Variants in FGF1 observed in about 807,000 individuals in gnomAD.
The protein encoded by FGF1 is beta-endothelial cell growth factor.
A neutral mutation model predicts 13.4 loss-of-function variants in FGF1; 9 were observed. The ratio of observed to expected loss-of-function variants is 0.67; its 90% CI spans 0.40 to 1.17. The LOEUF (loss-of-function observed/expected upper bound fraction) is 1.17, where lower values mean the gene tolerates loss of function less well. Ranked by LOEUF, FGF1 falls within the 50% of genes most tolerant of loss-of-function variation. The pLI, the probability that FGF1 is intolerant of heterozygous loss-of-function variation, is 0.01. For synonymous variants in FGF1, 93 were observed against 79.0 expected (o/e 1.18, Z -0.94); for missense variants, 156 against 192.7 (o/e 0.81, Z 1.13).
At chr5:142,696,993 G>T (rs1376800476) in intron 2 of FGF1, among the ~76,000 whole-genome samples, 1 of 152,182 alleles carries the variant, frequency 6.6e-6, no homozygotes, top group Non-Finnish European at 1.5e-5. Context: ...GGAGACCGAG[G>T]CTGCAAAATC....
In FGF1 at chr5:142,659,121, C is replaced by T. The variant is rs544954878; in HGVS notation, c.-35+26836G>A. On this transcript the variant is annotated intron_variant, in intron 1 of 3. Coordinates refer to ENST00000337706, the MANE Select transcript of FGF1 (RefSeq NM_000800.5). ...TTCTTTATCACTTTGGTTCCATGGT[C>T]GCCATCCTTGTTATAGTGAAACAGG... Among the ~76,000 whole-genome samples the T allele has an allele frequency of 3.3e-5, 5 of 151,304 alleles. No homozygotes were observed. The East Asian group carries it at 5.8e-4, about 18-fold the overall frequency.
At chr5:142,679,332 A>G (rs1358339278) in intron 1 of FGF1, among the ~76,000 whole-genome samples, 1 of 152,092 alleles carries the variant, frequency 6.6e-6, no homozygotes, top group Non-Finnish European at 1.5e-5. Flanking sequence ...CACCAGTTGA[A>G]ATCTGCTGAT....
Position 142,595,208 on chromosome 5 carries a change from G to C in FGF1, c.*82C>G. 1 of 1,203,862 alleles carries C rather than the reference G, an allele frequency of 8.3e-7. No individual in the cohort carries two copies. Among genetic ancestry groups the C allele is most frequent in the Non-Finnish European group, 1.2e-6 (1 of 845,186 alleles). The allele number at this position is 1,203,862 out of a possible 1,614,324, so 74.6% of individuals were successfully genotyped here. A position where few individuals can be genotyped will look rare whatever the true frequency, so the allele number is the denominator to read the frequency against. ...TGGGCTGGGGGTTAGCGCAGCCAAT[G>C]GTCAAGGGAACATTTTTGGGTCAAC... On this transcript the variant is annotated 3_prime_UTR_variant, in exon 4 of 4. Coordinates refer to ENST00000337706, the MANE Select transcript of FGF1 (RefSeq NM_000800.5).
chr5:142,644,879 A>T (rs985977284), intron 1 of FGF1, among the ~76,000 whole-genome samples: 1 of 152,178 alleles, frequency 6.6e-6, no homozygotes, highest in East Asian at 1.9e-4. Context: ...ACATGAGAGG[A>T]CCAGAAACAA....
chr5:142,661,821 A>G (rs547064323), intron 1 of FGF1, among the ~76,000 whole-genome samples: 82 of 152,122 alleles, frequency 5.4e-4, no homozygotes, highest in Admixed American at 1.1e-3. Flanking sequence ...GGCTAACACG[A>G]TGAAACCCCG....
intron 1 of FGF1, among the ~76,000 whole-genome samples, chr5:142,616,031 A>G (rs1326276536): frequency 6.6e-6 from 1 of 152,202 alleles, no homozygotes; most frequent in Non-Finnish European, 1.5e-5. Flanking sequence ...CTCCAGGAGA[A>G]GCCCACCCCA....
chr5:142,639,251 C>T (rs1764771342), intron 1 of FGF1, among the ~76,000 whole-genome samples: 1 of 151,904 alleles, frequency 6.6e-6, no homozygotes, highest in Non-Finnish European at 1.5e-5. Flanking sequence ...TCACAATAGC[C>T]AAGATATGGA....
At chr5:142,653,851 T>C (rs1390039544) in intron 1 of FGF1, among the ~76,000 whole-genome samples, 2 of 152,170 alleles carry the variant, frequency 1.3e-5, no homozygotes, top group East Asian at 3.8e-4. Flanking sequence ...CTCAGCACTT[T>C]GGGAGGCTGA....
chr5:142,642,135 T>C (rs1765299874), intron 1 of FGF1, among the ~76,000 whole-genome samples: 1 of 152,264 alleles, frequency 6.6e-6, no homozygotes, highest in South Asian at 2.1e-4. Context: ...AGGAGCACAA[T>C]AGGGCATCCA....
At chr5:142,672,989 T>C (rs1430161785) in intron 1 of FGF1, among the ~76,000 whole-genome samples, 1 of 152,212 alleles carries the variant, frequency 6.6e-6, no homozygotes, top group East Asian at 1.9e-4. Context: ...ACCTCATCAG[T>C]GATTAAGTGA....
intron 1 of FGF1, among the ~76,000 whole-genome samples, chr5:142,655,265 A>G (rs1767949531): frequency 6.6e-6 from 1 of 152,194 alleles, no homozygotes; most frequent in Admixed American, 6.5e-5. Context: ...AGCATTTTGC[A>G]ATATTAACAC....
intron 2 of FGF1, among the ~76,000 whole-genome samples, chr5:142,603,404 C>T (rs1757003249): frequency 6.6e-6 from 1 of 152,106 alleles, no homozygotes; most frequent in Non-Finnish European, 1.5e-5. Flanking sequence ...TACCACCCTC[C>T]CCCACATCCT....
In FGF1 at chr5:142,619,702, G is replaced by A. The variant is rs572778887; in HGVS notation, c.-34-5541C>T. Reference sequence around the variant, plus strand: ...TACAAAATTAGCCGGGCATGGTGGCGCATGCCTGTAATCCCAGCTACTCAG... The same window carrying A: ...TACAAAATTAGCCGGGCATGGTGGCACATGCCTGTAATCCCAGCTACTCAG... On this transcript the variant is annotated intron_variant, in intron 1 of 3. Transcript: ENST00000337706. Among the ~76,000 whole-genome samples, 36 of 152,104 alleles carry A rather than the reference G, an allele frequency of 2.4e-4. 1 individual carries two copies. Among genetic ancestry groups the A allele is most frequent in the East Asian group, 9.7e-4 (5 of 5,154 alleles).
intron 1 of FGF1, among the ~76,000 whole-genome samples, chr5:142,651,937 G>T (rs1365434034): frequency 6.6e-6 from 1 of 151,636 alleles, no homozygotes; most frequent in Non-Finnish European, 1.5e-5. Context: ...GGCCTAATCT[G>T]AGAGAATTTG....
intron 1 of FGF1, among the ~76,000 whole-genome samples, chr5:142,668,820 G>T (rs1046485823): frequency 1.3e-5 from 2 of 152,204 alleles, no homozygotes; most frequent in Non-Finnish European, 2.9e-5. Context: ...TTGAAAGAAG[G>T]TGAGAAGCTA....
At chr5:142,633,491 T>C (rs1368944000) in intron 1 of FGF1, among the ~76,000 whole-genome samples, 1 of 152,224 alleles carries the variant, frequency 6.6e-6, no homozygotes, top group Non-Finnish European at 1.5e-5. Context: ...AAAATCTCCT[T>C]GTAAAAAAGA....
At chr5:142,599,915 G>A (rs1756120779) in intron 3 of FGF1, among the ~76,000 whole-genome samples, 1 of 152,212 alleles carries the variant, frequency 6.6e-6, no homozygotes, top group Non-Finnish European at 1.5e-5. Flanking sequence ...GATAAATGTT[G>A]AATTAAGTTA....
At chr5:142,607,626 A>G (rs1757981957) in intron 2 of FGF1, among the ~76,000 whole-genome samples, 1 of 152,202 alleles carries the variant, frequency 6.6e-6, no homozygotes, top group Middle Eastern at 3.2e-3. Context: ...GGAAGTGTTT[A>G]CTTGGTGGAT....
intron 1 of FGF1, among the ~76,000 whole-genome samples, chr5:142,622,106 C>CTT (rs1306549569): frequency 1.3e-5 from 2 of 152,206 alleles, no homozygotes; most frequent in Non-Finnish European, 2.9e-5. Flanking sequence ...ACCAATTGGT[C>CTT]TTGCTCACAA....
Sources: allele counts gnomAD v4.1 joint callset (sites outside exome capture counted in the v4.1 genomes callset), GRCh38; gene constraint gnomAD v4.1.1; transcripts MANE v1.5; gene names NCBI Gene and HGNC (gene_info 2026-07-23, HGNC 2026-07-21).